AP4E1: variants seen among roughly 807,000 people sequenced by gnomAD.
AP4E1 encodes the protein adaptor related protein complex 4 subunit epsilon 1.
A neutral mutation model predicts 128.2 loss-of-function variants in AP4E1; 56 were observed. The observed-to-expected ratio is 0.44, with a 90% CI of 0.35 to 0.55. AP4E1 has a LOEUF of 0.55. Among genes scored for constraint, AP4E1 ranks in the 20% least tolerant of loss-of-function variants. The pLI is 0.00. For synonymous variants in AP4E1, 484 were observed against 473.1 expected (o/e 1.02, Z -0.30); for missense variants, 1,324 against 1,307.7 (o/e 1.01, Z -0.19).
At chr15:50,927,632 A>G (rs2063784765) in intron 5 of AP4E1, among the ~76,000 whole-genome samples, 1 of 151,984 alleles carries the variant, frequency 6.6e-6, no homozygotes, top group South Asian at 2.1e-4. Context: ...TATTAATACT[A>G]ACAGTAAATC....
chr15:50,947,415 CAAAAAA>C (rs34715973), intron 10 of AP4E1, among the ~76,000 whole-genome samples: 5 of 117,172 alleles, frequency 4.3e-5, no homozygotes, highest in Admixed American at 2.7e-4. Context: ...GACCCTGTCT[CAAAAAA>C]AAAAAAAAAA....
At chr15:50,962,606 A>G (rs929816342) in intron 14 of AP4E1, among the ~76,000 whole-genome samples, 20 of 152,092 alleles carry the variant, frequency 1.3e-4, no homozygotes, top group Non-Finnish European at 1.9e-4. Context: ...ATCAACCCAC[A>G]ATGAATTAAA....
At chr15:50,962,950 A>G (rs991366760) in intron 14 of AP4E1, among the ~76,000 whole-genome samples, 1 of 151,168 alleles carries the variant, frequency 6.6e-6, no homozygotes, top group Admixed American at 6.6e-5. Flanking sequence ...TCATCAACAG[A>G]CATTTCTTAA....
At chr15:50,948,591 T>C (rs539339211) in intron 11 of AP4E1, among the ~76,000 whole-genome samples, 2 of 152,314 alleles carry the variant, frequency 1.3e-5, no homozygotes, top group East Asian at 3.9e-4. Context: ...AGTTGGGAAC[T>C]CTATTAACAT....
intron 18 of AP4E1, among the ~76,000 whole-genome samples, chr15:50,998,314 T>A (rs1190133620): frequency 6.6e-6 from 1 of 151,952 alleles, no homozygotes; most frequent in East Asian, 1.9e-4. Context: ...AGAGCAAAAA[T>A]TCCTGATACT....
chr15:50,921,321 T>G (rs568108342), intron 3 of AP4E1, among the ~76,000 whole-genome samples: 2 of 152,276 alleles, frequency 1.3e-5, no homozygotes, highest in Admixed American at 1.3e-4. Flanking sequence ...GTGCTTTATC[T>G]TCTGAGATAG....
At chr15:50,937,728 C>A (rs2063925907) in intron 8 of AP4E1, among the ~76,000 whole-genome samples, 1 of 152,002 alleles carries the variant, frequency 6.6e-6, no homozygotes, top group Non-Finnish European at 1.5e-5. Flanking sequence ...ATTGAAGGGG[C>A]TTTTAGGTGG....
intron 18 of AP4E1, 126 bp from the exon 19 acceptor site, chr15:50,998,946 A>T: frequency 1.2e-6 from 1 of 822,648 alleles, no homozygotes; most frequent in Non-Finnish European, 2.0e-6. Context: ...TTCATAATGT[A>T]GTTTGTTATT....
rs534793056 is a variant in AP4E1, at chr15:50,990,635, CTCAGCGTCAGTGCTGGCATTACAGGTG to C, written c.2091-2733_2091-2707del. Among the ~76,000 whole-genome samples the C allele has an allele frequency of 1.7e-3, 259 of 152,218 alleles. 1 individual carries two copies. The highest frequency in any genetic ancestry group is 0.015 in the East Asian group (76 of 5,186). ...TCCTGGGCTCAAGTGATCCGCCTGC[CTCAGCGTCAGTGCTGGCATTACAGGTG>C]TGAGCTACTGCACCTGGCCATATTT... On this transcript the variant is annotated intron_variant, in intron 16 of 20. Transcript: ENST00000261842.
chr15:50,933,436 T>G (rs768203133), intron 7 of AP4E1, among the ~76,000 whole-genome samples: 5 of 152,218 alleles, frequency 3.3e-5, no homozygotes, highest in Non-Finnish European at 7.4e-5. Context: ...TGTAGTTTTG[T>G]GCTTCTTAGA....
intron 3 of AP4E1, among the ~76,000 whole-genome samples, chr15:50,920,009 G>A (rs1596457103): frequency 6.7e-6 from 1 of 150,118 alleles, no homozygotes; most frequent in Non-Finnish European, 1.5e-5. Flanking sequence ...CCTGGGAGGC[G>A]GAGATTGTGG....
intron 14 of AP4E1, among the ~76,000 whole-genome samples, chr15:50,960,554 A>G (rs1387503389): frequency 1.3e-5 from 2 of 152,116 alleles, no homozygotes; most frequent in Admixed American, 1.3e-4. Flanking sequence ...TAAGAAGAAA[A>G]TGAAAAAATT....
intron 17 of AP4E1, among the ~76,000 whole-genome samples, chr15:50,994,387 T>G (rs1595580582): frequency 6.6e-6 from 1 of 152,084 alleles, no homozygotes; most frequent in East Asian, 1.9e-4. Flanking sequence ...ATCCCAGGTC[T>G]TTCATCCTCC....
At chr15:50,947,703 T>C (rs934609079) in intron 10 of AP4E1, among the ~76,000 whole-genome samples, 2 of 152,250 alleles carry the variant, frequency 1.3e-5, no homozygotes, top group Admixed American at 6.5e-5. Context: ...AGGGCTGTTA[T>C]GTTTTTAGAA....
chr15:50,928,885 T>G (rs2063798298), intron 5 of AP4E1, 124 bp from the exon 6 acceptor site: 2 of 920,728 alleles, frequency 2.2e-6, no homozygotes, highest in Non-Finnish European at 3.4e-6. Context: ...AAATGTATAG[T>G]TATCTCTTTC....
chr15:50,931,291 C>T (rs193278979), intron 7 of AP4E1, among the ~76,000 whole-genome samples: 5 of 142,478 alleles, frequency 3.5e-5, no homozygotes, highest in South Asian at 4.7e-4. Context: ...TTTAGGTGGC[C>T]GGGCATGGTG....
chr15:50,965,270 G>A (rs868606560), intron 14 of AP4E1, among the ~76,000 whole-genome samples: 1 of 152,200 alleles, frequency 6.6e-6, no homozygotes, highest in Non-Finnish European at 1.5e-5. Flanking sequence ...CTTTGCTGAG[G>A]ATAGAACATT....
At chr15:50,934,039 C>T (rs887126074) in intron 7 of AP4E1, among the ~76,000 whole-genome samples, 2 of 151,718 alleles carry the variant, frequency 1.3e-5, no homozygotes, top group African/African-American at 4.8e-5. Context: ...CTTTTTTTTT[C>T]CCACAGTATC....
rs889397818 is a variant in AP4E1 at position 50,969,234 on chromosome 15, C to T, written c.1966+857C>T. 5.3e-5 allele frequency among the ~76,000 whole-genome samples: 8 copies of T among 152,216 alleles called. No individual in the cohort carries two copies. The East Asian group carries it at 1.5e-3, about 29-fold the overall frequency. ...TCCATGTGTTTTCATCATTTAGCTC[C>T]CACTTTTAAGCGAGAACATGCGGTA... On this transcript the variant is annotated intron_variant, in intron 15 of 20. Coordinates refer to ENST00000261842, the MANE Select transcript of AP4E1 (RefSeq NM_007347.5).
Sources: allele counts gnomAD v4.1 joint callset (sites outside exome capture counted in the v4.1 genomes callset), GRCh38; gene constraint gnomAD v4.1.1; transcripts MANE v1.5; gene names NCBI Gene and HGNC (gene_info 2026-07-23, HGNC 2026-07-21).